GRM8: variants seen among roughly 807,000 people sequenced by gnomAD.
GRM8 encodes the protein glutamate metabotropic receptor 8.
GRM8 carries 47 observed loss-of-function variants against 87.2 expected under a neutral mutation model. That is an observed-to-expected ratio of 0.54 (90% CI 0.43 to 0.69). GRM8 has a LOEUF of 0.69. GRM8 is among the 30% of genes least tolerant of loss of function. The pLI, the probability that GRM8 is intolerant of heterozygous loss-of-function variation, is 0.00. For missense variants in GRM8, 1,019 were observed against 1,139.2 expected, an observed-to-expected ratio of 0.89 and a Z score of 1.52; for synonymous variants, 396 against 404.5, an observed-to-expected ratio of 0.98 and a Z score of 0.25.
chr7:126,745,279 T>C (rs750810834), intron 7 of GRM8, among the ~76,000 whole-genome samples: 11 of 151,778 alleles, frequency 7.2e-5, no homozygotes, highest in Non-Finnish European at 1.2e-4. Flanking sequence ...ATGTCATTTA[T>C]TCAACATTTT....
At chr7:126,825,253 A>T (rs1181384293) in intron 6 of GRM8, among the ~76,000 whole-genome samples, 1 of 152,106 alleles carries the variant, frequency 6.6e-6, no homozygotes, top group Non-Finnish European at 1.5e-5. Flanking sequence ...TTTTTAGTAG[A>T]GACAGGGTTT....
At chr7:126,904,288 C>T (rs1167551554) in intron 4 of GRM8, among the ~76,000 whole-genome samples, 162 bp from the exon 5 acceptor site, 4 of 152,132 alleles carry the variant, frequency 2.6e-5, no homozygotes, top group Non-Finnish European at 4.4e-5. Flanking sequence ...CTCCTAAAAA[C>T]AATATAGCAG....
chr7:126,680,774 ATT>A (rs2151331208), intron 7 of GRM8, among the ~76,000 whole-genome samples: 1 of 152,302 alleles, frequency 6.6e-6, no homozygotes, highest in East Asian at 1.9e-4. Context: ...TCCCAGAAAT[ATT>A]TGTTTTCTCC....
At chr7:127,050,317 C>A (rs1485446136) in intron 3 of GRM8, among the ~76,000 whole-genome samples, 3 of 152,072 alleles carry the variant, frequency 2.0e-5, no homozygotes, top group Non-Finnish European at 4.4e-5. Context: ...CATTTTCGGA[C>A]AGGGAGGGTA....
chr7:126,487,631 CT>C (rs1807530599), intron 9 of GRM8, among the ~76,000 whole-genome samples: 1 of 151,870 alleles, frequency 6.6e-6, no homozygotes, highest in Admixed American at 6.6e-5. Context: ...TATGCATCTA[CT>C]TTTTTCATGA....
At chr7:126,932,846 T>C (rs75465104) in intron 3 of GRM8, among the ~76,000 whole-genome samples, 4 of 152,140 alleles carry the variant, frequency 2.6e-5, no homozygotes, top group Non-Finnish European at 1.5e-5. Context: ...ATTCAGATTG[T>C]GGAGGCAAGA....
chr7:126,444,051 A>T, intron 10 of GRM8, among the ~76,000 whole-genome samples: 1 of 151,870 alleles, frequency 6.6e-6, no homozygotes, highest in East Asian at 1.9e-4. Context: ...ACCATATTTT[A>T]TAAAGTTTTC....
chr7:127,093,737 T>C (rs1490088951), intron 3 of GRM8, among the ~76,000 whole-genome samples: 4 of 152,314 alleles, frequency 2.6e-5, no homozygotes, highest in Admixed American at 1.3e-4. Context: ...TATGCTGACT[T>C]GAGTTTCACT....
At chr7:126,845,549 C>A (rs1234804317) in intron 6 of GRM8, among the ~76,000 whole-genome samples, 3 of 152,118 alleles carry the variant, frequency 2.0e-5, no homozygotes, top group Non-Finnish European at 4.4e-5. Context: ...CACACCATAG[C>A]CTGATAAGAA....
At chr7:126,550,077 CA>C (rs2150924661) in intron 8 of GRM8, among the ~76,000 whole-genome samples, 1 of 151,796 alleles carries the variant, frequency 6.6e-6, no homozygotes, top group South Asian at 2.1e-4. Flanking sequence ...GACAAATTGA[CA>C]AGTTCCAGAG....
At chr7:127,059,014 C>T (rs1365672328) in intron 3 of GRM8, among the ~76,000 whole-genome samples, 1 of 152,148 alleles carries the variant, frequency 6.6e-6, no homozygotes. Context: ...CCTTGAGGTG[C>T]TCACAGAGCA....
intron 3 of GRM8, among the ~76,000 whole-genome samples, chr7:127,087,477 G>A (rs994598106): frequency 3.3e-5 from 5 of 152,124 alleles, no homozygotes; most frequent in African/African-American, 7.2e-5. Context: ...AGGACATTAC[G>A]CTAAGTGAAA....
intron 3 of GRM8, among the ~76,000 whole-genome samples, chr7:126,911,376 G>A (rs1803274111): frequency 6.6e-6 from 1 of 151,274 alleles, no homozygotes; most frequent in Non-Finnish European, 1.5e-5. Flanking sequence ...CCTTTCAAAT[G>A]GATTCCATAA....
At chr7:126,771,579 A>C (rs1318427026) in intron 6 of GRM8, among the ~76,000 whole-genome samples, 1 of 152,032 alleles carries the variant, frequency 6.6e-6, no homozygotes, top group Non-Finnish European at 1.5e-5. Context: ...TAAAATGTTG[A>C]CTACAGAATC....
intron 3 of GRM8, among the ~76,000 whole-genome samples, chr7:127,086,190 T>C (rs1339234854): frequency 6.6e-6 from 1 of 152,192 alleles, no homozygotes; most frequent in Non-Finnish European, 1.5e-5. Context: ...AACCTCCACC[T>C]TCTGGGTTCA....
chr7:126,881,313 G>A (rs1800000279), intron 6 of GRM8, among the ~76,000 whole-genome samples: 2 of 152,156 alleles, frequency 1.3e-5, no homozygotes, highest in South Asian at 2.1e-4. Context: ...GTTTCCTTAG[G>A]AGCCCTGCAT....
intron 2 of GRM8, among the ~76,000 whole-genome samples, chr7:127,207,049 C>G (rs1451066385): frequency 6.6e-6 from 1 of 152,138 alleles, no homozygotes; most frequent in Non-Finnish European, 1.5e-5. Flanking sequence ...AGCAATGATT[C>G]CCCAGGTTTC....
chr7:127,130,525 A>C (rs1827628140), intron 2 of GRM8, among the ~76,000 whole-genome samples: 2 of 152,362 alleles, frequency 1.3e-5, no homozygotes, highest in South Asian at 4.1e-4. Flanking sequence ...ATGCTTTTGA[A>C]AAGAGACTGG....
intron 9 of GRM8, among the ~76,000 whole-genome samples, chr7:126,482,068 C>T (rs539965506): frequency 6.6e-6 from 1 of 151,986 alleles, no homozygotes; most frequent in Non-Finnish European, 1.5e-5. Context: ...CACAGCATCA[C>T]TGATAAGTAG....
Sources: gnomAD v4.1 joint callset for allele counts (sites outside exome capture counted in the v4.1 genomes callset) on GRCh38, gnomAD v4.1.1 for gene constraint, MANE v1.5 for transcripts, NCBI Gene and HGNC (gene_info 2026-07-23, HGNC 2026-07-21) for gene names.